The following APOL4 variants were observed in gnomAD, a reference collection of about 807,000 sequenced individuals.
APOL4 encodes apolipoprotein L, 4.
Under a neutral mutation model 12.1 loss-of-function variants are expected in APOL4, and 14 were observed. That is an observed-to-expected ratio of 1.16 (90% CI 0.76 to 1.81). APOL4 has a LOEUF of 1.81. APOL4 is among the 40% of genes most tolerant of loss of function. The pLI is 0.00. For synonymous variants in APOL4, 171 were observed against 160.6 expected, an observed-to-expected ratio of 1.06 and a Z score of -0.49; for missense variants, 432 against 423.1, an observed-to-expected ratio of 1.02 and a Z score of -0.18.
Position 36,191,059 on chromosome 22 carries a change from C to T in APOL4, c.*16G>A, listed in dbSNP as rs1230189568. ...TCCCTCCGTTTGGGGTCCCTGACTTCCCGCAACAATTGGGCCTAGCCTGCT... is the reference window on the plus strand; with the variant it reads ...TCCCTCCGTTTGGGGTCCCTGACTTTCCGCAACAATTGGGCCTAGCCTGCT... On this transcript the variant is annotated 3_prime_UTR_variant, in exon 4 of 4. Coordinates refer to ENST00000683024, the MANE Select transcript of APOL4 (RefSeq NM_001386885.1). The T allele has an allele frequency of 1.9e-6, 3 of 1,567,406 alleles. No homozygotes were observed. The highest frequency in any genetic ancestry group is 2.6e-6 in the Non-Finnish European group (3 of 1,154,432).
At chr22:36,204,199 G>A (rs569795411), upstream of APOL4, among the ~76,000 whole-genome samples, 55 of 152,256 alleles carry the variant, frequency 3.6e-4, no homozygotes, top group Middle Eastern at 6.8e-3. Flanking sequence ...CTCAGCAGCC[G>A]CACCCCGGGG....
Position 36,191,510 on chromosome 22 carries a change from CA to C in APOL4, c.611del (p.Leu204ArgfsTer12). The C allele has an allele frequency of 6.2e-7, 1 of 1,614,052 alleles. No homozygotes were observed. The highest frequency in any genetic ancestry group is 8.5e-7 in the Non-Finnish European group (1 of 1,179,898). On this transcript the variant is annotated frameshift_variant, in exon 4 of 4. Transcript: ENST00000683024. LOFTEE classifies it low-confidence loss of function (END_TRUNC). The stretch of plus-strand genomic sequence containing the variant: ...CCAATTGGTCAGTGCTGGTTGCAGT[CA>C]GCCTGCTGGCTGTGAGTTCTGCTGA... ...TRSAELTASR[L>X]TATSTDQLEA... is the part of the protein sequence containing the mutation.
At chr22:36,197,703 G>T in intron 2 of APOL4, 1 of 1,550,550 alleles carries the variant, frequency 6.4e-7, no homozygotes, top group Non-Finnish European at 8.7e-7. Flanking sequence ...AGAGGGCCAT[G>T]CTGAGATGTG....
intron 3 of APOL4, among the ~76,000 whole-genome samples, chr22:36,193,827 C>T (rs530895026): frequency 6.6e-6 from 1 of 152,314 alleles, no homozygotes; most frequent in East Asian, 1.9e-4. Flanking sequence ...AAGTGGAAGA[C>T]CTGGCTATTA....
At chr22:36,195,766 TC>T (rs58253774) in intron 2 of APOL4, among the ~76,000 whole-genome samples, 10,112 of 114,858 alleles carry the variant, frequency 0.088, 993 homozygotes, top group African/African-American at 0.25. Flanking sequence ...TCTCTCTCTC[TC>T]TCTCTCTCTC....
In APOL4 at chr22:36,191,073, G is replaced by T; in HGVS notation, c.*2C>A. The T allele has an allele frequency of 6.3e-7, 1 of 1,590,304 alleles. No individual in the cohort carries two copies. Among genetic ancestry groups the T allele is most frequent in the Non-Finnish European group, 8.6e-7 (1 of 1,167,408 alleles). On this transcript the variant is annotated 3_prime_UTR_variant, in exon 4 of 4. Coordinates refer to ENST00000683024, the MANE Select transcript of APOL4 (RefSeq NM_001386885.1). ...GTCCCTGACTTCCCGCAACAATTGGGCCTAGCCTGCTTTTAGACTCTGATG... is the reference window on the plus strand; with the variant it reads ...GTCCCTGACTTCCCGCAACAATTGGTCCTAGCCTGCTTTTAGACTCTGATG...
rs933878122 is a variant in APOL4, at chr22:36,189,608, T to C, written c.*1467A>G. 1.3e-5 allele frequency: 2 copies of C among 152,256 alleles called. No homozygotes were observed. Among genetic ancestry groups the C allele is most frequent in the Non-Finnish European group, 2.9e-5 (2 of 68,088 alleles). 9.4% of individuals were successfully genotyped at this position (152,256 alleles called of 1,614,324 possible). ...TGGAGCCGCTGTTTCTTCTCCTGTATCCAACAGTTCTAACTGTGGCTTTCT... is the reference window on the plus strand; with the variant it reads ...TGGAGCCGCTGTTTCTTCTCCTGTACCCAACAGTTCTAACTGTGGCTTTCT... On this transcript the variant is annotated 3_prime_UTR_variant, in exon 4 of 4. Transcript: ENST00000683024.
At chr22:36,200,159 C>T (rs1195403249) in intron 1 of APOL4, among the ~76,000 whole-genome samples, 4 of 152,256 alleles carry the variant, frequency 2.6e-5, no homozygotes, top group African/African-American at 4.8e-5. Flanking sequence ...ACACACAGCC[C>T]GGGAGATGGG....
At position 36,199,516 on chromosome 22, in the gene APOL4, T is replaced by G. The variant is rs753180547; in HGVS notation, c.36-140A>C. ...CAACCTAACCCAGATTCTTTCTCTATCACCAAGTCCCCATCATCTGCTATT... is the reference window on the plus strand; with the variant it reads ...CAACCTAACCCAGATTCTTTCTCTAGCACCAAGTCCCCATCATCTGCTATT... On this transcript the variant is annotated intron_variant, in intron 1 of 3. Transcript: ENST00000683024. 3.7e-6 allele frequency: 6 copies of G among 1,604,810 alleles called. No individual in the cohort carries two copies. In the East Asian group the frequency reaches 1.3e-4, roughly 36 times the overall value.
intron 2 of APOL4, chr22:36,197,800 G>T (rs1202231015): frequency 6.5e-7 from 1 of 1,549,988 alleles, no homozygotes; most frequent in South Asian, 1.2e-5. Flanking sequence ...ACCAGCTGTA[G>T]GGACAGGGGG....
At chr22:36,195,146 C>G (rs1036904367) in intron 3 of APOL4, 165 bp downstream of exon 3, 5 of 887,440 alleles carry the variant, frequency 5.6e-6, no homozygotes, top group African/African-American at 3.4e-5. Context: ...TCACTGCCAG[C>G]GAAGCACTTG....
upstream of APOL4, among the ~76,000 whole-genome samples, chr22:36,202,913 A>G (rs1448373631): frequency 6.6e-6 from 1 of 152,170 alleles, no homozygotes; most frequent in Non-Finnish European, 1.5e-5. Flanking sequence ...CGGGAAGCCA[A>G]CATCTGCCCT....
chr22:36,194,505 A>C (rs1444943564), intron 3 of APOL4, among the ~76,000 whole-genome samples: 1 of 152,034 alleles, frequency 6.6e-6, no homozygotes, highest in Non-Finnish European at 1.5e-5. Context: ...TGCCCCTGGC[A>C]ATGTCTCTCT....
In APOL4 at chr22:36,191,395, C is replaced by A. The variant is rs2014243471; in HGVS notation, c.727G>T (p.Asp243Tyr). 2 of 1,614,048 alleles carry A rather than the reference C, an allele frequency of 1.2e-6. No homozygotes were observed. The highest frequency in any genetic ancestry group is 1.7e-6 in the Non-Finnish European group (2 of 1,179,904). ...FDEATKMIAN[D>Y]VHTLRRSKAT... Reference sequence around the variant, plus strand: ...TTAGATCTCCTGAGTGTATGGACATCATTCGCAATCATTTTTGTGGCTTCG... The same window carrying A: ...TTAGATCTCCTGAGTGTATGGACATAATTCGCAATCATTTTTGTGGCTTCG... Residue 243 changes from aspartate (D) to tyrosine (Y), a missense_variant, in exon 4 of 4, where the codon GAT becomes TAT. Asp to Tyr is a radical substitution (Grantham distance 160). Transcript: ENST00000683024.
At position 36,191,446 on chromosome 22, in the gene APOL4, C is replaced by T; in HGVS notation, c.676G>A (p.Val226Met). Residue 226 changes from valine to methionine, a missense_variant, in exon 4 of 4, where the codon GTG (valine) becomes ATG (methionine). Physicochemically the swap from Val to Met is conservative, Grantham distance 21. Transcript: ENST00000683024. ...RDILRDITPN[V>M]LSFALDFDEA... ...TCAAAATCAAGTGCAAAAGAAAGCACATTGGGTGTGATGTCACGCAGAATG... is the reference window on the plus strand; with the variant it reads ...TCAAAATCAAGTGCAAAAGAAAGCATATTGGGTGTGATGTCACGCAGAATG... The T allele has an allele frequency of 6.2e-7, 1 of 1,614,054 alleles. No homozygotes were observed. The highest frequency in any genetic ancestry group is 8.5e-7 in the Non-Finnish European group (1 of 1,179,902).
upstream of APOL4, among the ~76,000 whole-genome samples, chr22:36,202,376 C>T (rs1468333439): frequency 6.6e-6 from 1 of 152,238 alleles, no homozygotes; most frequent in Non-Finnish European, 1.5e-5. Flanking sequence ...TCCCACAGCA[C>T]TGGGATTACA....
chr22:36,198,683 G>A (rs967303440), intron 2 of APOL4, among the ~76,000 whole-genome samples: 2 of 152,164 alleles, frequency 1.3e-5, no homozygotes, highest in Admixed American at 6.5e-5. Context: ...GGCTGGCCCA[G>A]GTACCCATGT....
At chr22:36,202,651 G>A (rs1042999577), upstream of APOL4, among the ~76,000 whole-genome samples, 2 of 152,120 alleles carry the variant, frequency 1.3e-5, no homozygotes, top group East Asian at 1.9e-4. Flanking sequence ...GTGTGAACCC[G>A]GGAGGCGGAG....
At position 36,189,464 on chromosome 22, in the gene APOL4, C is replaced by T. The variant is rs973656608; in HGVS notation, c.*1611G>A. 1 of 152,408 alleles carries T rather than the reference C, an allele frequency of 6.6e-6. No individual in the cohort carries two copies. Among genetic ancestry groups the T allele is most frequent in the African/African-American group, 2.4e-5 (1 of 41,418 alleles). The allele number at this position is 152,408 out of a possible 1,614,324, so 9.4% of individuals were successfully genotyped here. ...CCATCATCAAGAAGCCACTGGCTGACTCAGATACACCCCCGGGAGGACAAG... is the reference window on the plus strand; with the variant it reads ...CCATCATCAAGAAGCCACTGGCTGATTCAGATACACCCCCGGGAGGACAAG... On this transcript the variant is annotated 3_prime_UTR_variant, in exon 4 of 4. Coordinates refer to ENST00000683024, the MANE Select transcript of APOL4 (RefSeq NM_001386885.1).
Sources: gnomAD v4.1 joint callset for allele counts (sites outside exome capture counted in the v4.1 genomes callset) on GRCh38, gnomAD v4.1.1 for gene constraint, MANE v1.5 for transcripts, NCBI Gene and HGNC (gene_info 2026-07-23, HGNC 2026-07-21) for gene names.